The following POLR2F variants were observed in gnomAD, a reference collection of about 807,000 sequenced individuals.
POLR2F encodes RNA polymerase II, I and III subunit F, also known as DNA-directed RNA polymerases I, II, and III subunit RPABC2.
A neutral mutation model predicts 22.7 loss-of-function variants in POLR2F; 12 were observed. The observed-to-expected ratio is 0.53, with a 90% CI of 0.34 to 0.86. POLR2F has a LOEUF of 0.86. Among genes scored for constraint, POLR2F ranks in the 40% least tolerant of loss-of-function variants. POLR2F has a pLI of 0.02. For missense variants in POLR2F, 126 were observed against 171.5 expected (o/e 0.73, Z 1.48); for synonymous variants, 57 against 66.0 (o/e 0.86, Z 0.66).
intron 5 of POLR2F, among the ~76,000 whole-genome samples, chr22:38,035,872 C>A (rs1422869623): frequency 6.6e-6 from 1 of 152,184 alleles, no homozygotes; most frequent in East Asian, 1.9e-4. Context: ...TTTTGATGAA[C>A]CCACAAAGCT....
intron 1 of POLR2F, among the ~76,000 whole-genome samples, chr22:38,018,483 G>GGT (rs1313649331): frequency 6.6e-6 from 1 of 152,066 alleles, no homozygotes; most frequent in African/African-American, 2.4e-5. Context: ...GAGGGGTCAG[G>GGT]GTCAGGGTCA....
chr22:38,005,830 A>G (rs1401355559), intron 1 of POLR2F, among the ~76,000 whole-genome samples: 2 of 152,250 alleles, frequency 1.3e-5, no homozygotes, highest in Non-Finnish European at 2.9e-5. Flanking sequence ...AACTCCTGTA[A>G]CAATTTGATG....
In POLR2F at chr22:37,986,583, C is replaced by T. The variant is rs970660242; in HGVS notation, c.120+271C>T. 3.0e-5 allele frequency: 22 copies of T among 740,792 alleles called. No individual in the cohort carries two copies. The highest frequency in any genetic ancestry group is 2.4e-4 in the African/African-American group (14 of 58,096). 45.9% of individuals were successfully genotyped at this position (740,792 alleles called of 1,614,324 possible). ...GGCACGCTCTGTCTGCAGGAAGCCA[C>T]GCTAGACAGAAGGGGCCACTCCCTC... On this transcript the variant is annotated intron_variant, in intron 1 of 2. Transcript: ENST00000333418. The surrounding 1 kb of genome is among the most constrained non-coding windows in gnomAD (Gnocchi z 4.7).
At chr22:37,956,720 CTT>C in intron 1 of POLR2F, 51 bp from the exon 2 acceptor site, 1 of 1,458,528 alleles carries the variant, frequency 6.9e-7, no homozygotes, top group Non-Finnish European at 9.6e-7. Flanking sequence ...CCTGGCCCCT[CTT>C]TGATTCTTTT....
At chr22:37,971,784 C>T (rs754553336), downstream of POLR2F, among the ~76,000 whole-genome samples, 32 of 152,130 alleles carry the variant, frequency 2.1e-4, no homozygotes, top group Non-Finnish European at 4.6e-4. Context: ...TCTTCAGATA[C>T]CTGTCTCTTG....
intron 1 of POLR2F, among the ~76,000 whole-genome samples, chr22:37,990,900 G>C (rs1412055959): frequency 6.6e-6 from 1 of 152,232 alleles, no homozygotes; most frequent in African/African-American, 2.4e-5. Context: ...GATGCCTCGT[G>C]ATGCCTCAGA....
intron 3 of POLR2F, among the ~76,000 whole-genome samples, chr22:37,963,515 C>T (rs1475406033): frequency 1.3e-5 from 2 of 151,912 alleles, no homozygotes; most frequent in African/African-American, 2.4e-5. Context: ...TCCAGTGATC[C>T]CCCTGCTTCA....
In POLR2F at chr22:37,968,170, C is replaced by T; in HGVS notation, c.*455C>T. ...CAAGCCACCCATTGTTTCCTAAGGA[C>T]CTGCTTCGAGCCTCTTATCGTGGGC... On this transcript the variant is annotated 3_prime_UTR_variant, in exon 5 of 5. Transcript: ENST00000442738. 1 of 985,688 alleles carries T rather than the reference C, an allele frequency of 1.0e-6. No individual in the cohort carries two copies. The highest frequency in any genetic ancestry group is 1.2e-6 in the Non-Finnish European group (1 of 830,090). 61.1% of individuals were successfully genotyped at this position (985,688 alleles called of 1,614,324 possible).
intron 1 of POLR2F, among the ~76,000 whole-genome samples, chr22:38,009,238 A>T (rs535734425): frequency 6.6e-6 from 1 of 152,322 alleles, no homozygotes; most frequent in Admixed American, 6.5e-5. Flanking sequence ...CTCCAAGGGC[A>T]GTGGGGCTGC....
intron 4 of POLR2F, among the ~76,000 whole-genome samples, chr22:37,979,468 T>C (rs556034842): frequency 6.6e-6 from 1 of 151,932 alleles, no homozygotes; most frequent in Non-Finnish European, 1.5e-5. Flanking sequence ...GACTCTTAAC[T>C]CTGGGTCCTG....
chr22:37,972,232 A>G, downstream of POLR2F: 3 of 1,300,682 alleles, frequency 2.3e-6, no homozygotes, highest in South Asian at 3.7e-5. Flanking sequence ...ACTCCTAGCT[A>G]CTTCCAGAAA....
chr22:37,982,030 T>A (rs1932413452), upstream of POLR2F, among the ~76,000 whole-genome samples: 1 of 152,202 alleles, frequency 6.6e-6, no homozygotes, highest in Non-Finnish European at 1.5e-5. Context: ...TCTACCCAAC[T>A]GTGGCTGGCA....
chr22:38,034,702 G>C (rs554070627), intron 5 of POLR2F, among the ~76,000 whole-genome samples: 9 of 152,188 alleles, frequency 5.9e-5, no homozygotes, highest in Admixed American at 5.9e-4. Flanking sequence ...AATCCCAGGG[G>C]AGACCTGTCA....
At position 37,978,027 on chromosome 22, in the gene POLR2F, C is replaced by G; in HGVS notation, c.293+10857C>G. The G allele has an allele frequency of 6.2e-7, 1 of 1,611,514 alleles. No homozygotes were observed. The highest frequency in any genetic ancestry group is 8.5e-7 in the Non-Finnish European group (1 of 1,179,502). ...CCTCGCCCTGGGCGGCCTTCCCGTT[C>G]TTCCGCCGCCTGGGCTGGTACTTGT... On this transcript the variant is annotated intron_variant, in intron 4 of 4. Coordinates refer to the POLR2F transcript ENST00000405557. This position sits in a 1 kb window ranked among gnomAD's most constrained non-coding sequence, Gnocchi z 5.0.
intron 5 of POLR2F, chr22:38,032,579 C>T (rs1340208084): frequency 6.6e-6 from 1 of 152,370 alleles, no homozygotes. Flanking sequence ...AGGCCCAACA[C>T]TGGGCATGGG....
downstream of POLR2F, among the ~76,000 whole-genome samples, chr22:37,969,470 T>C (rs2145754025): frequency 6.6e-6 from 1 of 152,316 alleles, no homozygotes; most frequent in South Asian, 2.1e-4. Context: ...GTCTTCTGAC[T>C]TCCTTGGGGT....
At chr22:38,026,398 G>A in exon 3 of POLR2F, 1 of 476,246 alleles carries the variant, frequency 2.1e-6, no homozygotes, top group South Asian at 1.5e-5. Flanking sequence ...CCTGAGACCA[G>A]GCAGACCATC....
At chr22:37,965,466 A>T (rs780066309) in intron 3 of POLR2F, among the ~76,000 whole-genome samples, 1 of 152,260 alleles carries the variant, frequency 6.6e-6, no homozygotes, top group Non-Finnish European at 1.5e-5. Context: ...TTACTTAAGG[A>T]CACATTCTTG....
chr22:38,000,121 C>T (rs1601899406), intron 1 of POLR2F, among the ~76,000 whole-genome samples: 1 of 152,234 alleles, frequency 6.6e-6, no homozygotes, highest in African/African-American at 2.4e-5. Flanking sequence ...CCTGCCGGAA[C>T]ATGATGCCTC....
Sources: gnomAD v4.1 joint callset for allele counts (sites outside exome capture counted in the v4.1 genomes callset) on GRCh38, gnomAD v4.1.1 for gene constraint, Gnocchi (gnomAD v3.1) non-coding constraint, MANE v1.5 for transcripts, NCBI Gene and HGNC (gene_info 2026-07-23, HGNC 2026-07-21) for gene names.